Variants in MFSD1 observed in about 807,000 individuals in gnomAD.
MFSD1 encodes lysosomal dipeptide transporter MFSD1.
In MFSD1, 59 loss-of-function variants were observed where a neutral mutation model predicts 67.1. That is an observed-to-expected ratio of 0.88 (90% CI 0.71 to 1.09). The LOEUF is 1.09. Among genes scored for constraint, MFSD1 ranks in the 50% least tolerant of loss-of-function variants. The probability of loss-of-function intolerance (pLI) is 0.00; values close to 1 mark genes in which losing one functional copy is unlikely to be tolerated. For synonymous variants in MFSD1, 213 were observed against 200.3 expected, an observed-to-expected ratio of 1.06 and a Z score of -0.54; for missense variants, 552 against 566.1, an observed-to-expected ratio of 0.97 and a Z score of 0.25.
intron 3 of MFSD1, among the ~76,000 whole-genome samples, chr3:158,806,019 T>C (rs1326153447): frequency 6.6e-6 from 1 of 152,190 alleles, no homozygotes; most frequent in Non-Finnish European, 1.5e-5. Flanking sequence ...AATAACACTA[T>C]AAGGTTTGCC....
At chr3:158,813,470 A>G (rs1303650686) in intron 6 of MFSD1, among the ~76,000 whole-genome samples, 2 of 152,118 alleles carry the variant, frequency 1.3e-5, no homozygotes, top group African/African-American at 4.8e-5. Context: ...TATATTCCCA[A>G]TACCTGAAAC....
intron 7 of MFSD1, among the ~76,000 whole-genome samples, chr3:158,815,309 A>T (rs1730267065): frequency 6.7e-6 from 1 of 149,772 alleles, no homozygotes; most frequent in Admixed American, 6.6e-5. Flanking sequence ...GTCATCTTGG[A>T]TAAGAAAGTT....
At chr3:158,826,842 A>T (rs1730992580) in intron 14 of MFSD1, among the ~76,000 whole-genome samples, 1 of 151,000 alleles carries the variant, frequency 6.6e-6, no homozygotes, top group Admixed American at 6.6e-5. Context: ...TAATTTTAAA[A>T]TTTTTTCTAG....
chr3:158,825,646 C>T (rs1332527448), intron 13 of MFSD1, among the ~76,000 whole-genome samples: 1 of 152,114 alleles, frequency 6.6e-6, no homozygotes, highest in Non-Finnish European at 1.5e-5. Context: ...TATTTGGCTT[C>T]CTCTGAAATG....
intron 15 of MFSD1, among the ~76,000 whole-genome samples, chr3:158,827,976 G>GAGAGAGAGAGACAGACAGAC (rs1553759912): frequency 1.3e-5 from 1 of 78,874 alleles, no homozygotes; most frequent in Admixed American, 1.6e-4. Flanking sequence ...GAGAGAGAGA[G>GAGAGAGAGAGACAGACAGAC]AGACAGAGAT....
chr3:158,816,116 A>C (rs1453381472), intron 7 of MFSD1, among the ~76,000 whole-genome samples: 5 of 151,708 alleles, frequency 3.3e-5, no homozygotes, highest in Non-Finnish European at 7.4e-5. Context: ...ATAAACATAC[A>C]TGTGCATGTG....
At position 158,807,380 on chromosome 3, in the gene MFSD1, A is replaced by C; in HGVS notation, c.373-16A>C. On this transcript the variant is annotated splice_polypyrimidine_tract_variant and intron_variant, in intron 4 of 15. Transcript: ENST00000415822. ...TTTACTTTTTCATTAATTTGACATG[A>C]ACTTCTACATTATAGGTTGTTTTTG... The C allele has an allele frequency of 6.2e-7, 1 of 1,601,578 alleles. No individual in the cohort carries two copies. The highest frequency in any genetic ancestry group is 1.1e-5 in the South Asian group (1 of 90,002).
At chr3:158,809,384 G>T in intron 6 of MFSD1, 97 bp downstream of exon 6, 2 of 762,994 alleles carry the variant, frequency 2.6e-6, no homozygotes, top group South Asian at 2.0e-5. Flanking sequence ...ATTTGTGTAT[G>T]GTAAATTAGA....
chr3:158,811,785 G>A (rs1576902491), intron 6 of MFSD1, among the ~76,000 whole-genome samples: 1 of 152,164 alleles, frequency 6.6e-6, no homozygotes, highest in Admixed American at 6.5e-5. Flanking sequence ...ATTTCACATG[G>A]CTGTTTCTTA....
At chr3:158,821,416 A>G (rs1454303833) in intron 9 of MFSD1, among the ~76,000 whole-genome samples, 181 bp from the exon 10 acceptor site, 6 of 152,256 alleles carry the variant, frequency 3.9e-5, no homozygotes, top group African/African-American at 7.2e-5. Flanking sequence ...TCATTTAGTC[A>G]GTAAACATTA....
At chr3:158,813,798 G>C (rs1401764093) in intron 6 of MFSD1, among the ~76,000 whole-genome samples, 167 bp from the exon 7 acceptor site, 1 of 140,936 alleles carries the variant, frequency 7.1e-6, no homozygotes, top group Non-Finnish European at 1.5e-5. Context: ...GTAACTATCT[G>C]TGGCTTTATC....
chr3:158,816,092 T>G (rs1344818549), intron 7 of MFSD1, among the ~76,000 whole-genome samples: 2 of 151,968 alleles, frequency 1.3e-5, no homozygotes, highest in Non-Finnish European at 2.9e-5. Flanking sequence ...TTTGCTATTG[T>G]GAATAGTGCC....
rs776887546 is a variant in MFSD1, at chr3:158,819,642, T to C, written c.653-7T>C. The C allele has an allele frequency of 3.0e-6, 4 of 1,341,788 alleles. No individual in the cohort carries two copies. The highest frequency in any genetic ancestry group is 3.8e-4 in the Middle Eastern group (2 of 5,270). 83.1% of individuals were successfully genotyped at this position (1,341,788 alleles called of 1,614,324 possible). On this transcript the variant is annotated splice_region_variant and splice_polypyrimidine_tract_variant and intron_variant, in intron 7 of 15. Coordinates refer to ENST00000415822, the MANE Select transcript of MFSD1 (RefSeq NM_022736.4). ...TCTGTTTTTCTTTTTTTTTTTTTTT[T>C]ATTTAGGGGGTATAACGTGTATTCT...
intron 7 of MFSD1, among the ~76,000 whole-genome samples, chr3:158,814,298 T>A (rs1412955231): frequency 6.6e-6 from 1 of 152,180 alleles, no homozygotes; most frequent in African/African-American, 2.4e-5. Context: ...TGGATAGCCT[T>A]ATTCCTTGTT....
At chr3:158,826,380 C>T (rs1378539231) in intron 14 of MFSD1, among the ~76,000 whole-genome samples, 4 of 152,036 alleles carry the variant, frequency 2.6e-5, no homozygotes, top group East Asian at 3.9e-4. Context: ...TATTGTCCTA[C>T]GTTAAAAGAA....
chr3:158,824,163 C>T lies in MFSD1; in HGVS notation c.1215C>T (p.Ser405=). 6.2e-7 allele frequency: 1 copy of T among 1,612,392 alleles called. No homozygotes were observed. Among genetic ancestry groups the T allele is most frequent in the Admixed American group, 1.7e-5 (1 of 59,744 alleles). The change falls in exon 13 of 16, where the codon TCC becomes TCT. Residue 405 remains serine, a synonymous_variant. Transcript: ENST00000415822. The part of the protein sequence containing the change: ...SIQNLGLAII[S]IIAGMILDSR... The stretch of plus-strand genomic sequence containing the variant: ...AGAATCTTGGGTTGGCCATCATTTC[C>T]ATCATTGCTGGTATGATACTGGATT...
At chr3:158,818,490 TCTAC>T (rs1224228274) in intron 7 of MFSD1, among the ~76,000 whole-genome samples, 1 of 152,180 alleles carries the variant, frequency 6.6e-6, no homozygotes, top group Non-Finnish European at 1.5e-5. Context: ...TTGATTAATG[TCTAC>T]CTGTCTTCCT....
At chr3:158,807,311 T>C in intron 4 of MFSD1, 85 bp from the exon 5 acceptor site, 1 of 1,108,380 alleles carries the variant, frequency 9.0e-7, no homozygotes, top group Non-Finnish European at 1.3e-6. Flanking sequence ...ATTGTAGAAG[T>C]TGAGATTTAT....
At chr3:158,814,176 G>T in intron 7 of MFSD1, 109 bp downstream of exon 7, 1 of 738,648 alleles carries the variant, frequency 1.4e-6, no homozygotes, top group Non-Finnish European at 2.3e-6. Context: ...TGGTTATAGT[G>T]TTGTCTCCAT....
Sources: allele counts gnomAD v4.1 joint callset (sites outside exome capture counted in the v4.1 genomes callset), GRCh38; gene constraint gnomAD v4.1.1; transcripts MANE v1.5; gene names NCBI Gene and HGNC (gene_info 2026-07-23, HGNC 2026-07-21).